SCNN1B: variants seen among roughly 807,000 people sequenced by gnomAD.
SCNN1B encodes epithelial sodium channel subunit beta.
A neutral mutation model predicts 65.3 loss-of-function variants in SCNN1B; 46 were observed. The observed-to-expected ratio is 0.70, with a 90% CI of 0.56 to 0.90. The LOEUF (loss-of-function observed/expected upper bound fraction) is 0.90. Among genes scored for constraint, SCNN1B ranks in the 40% least tolerant of loss-of-function variants. SCNN1B has a pLI of 0.00. For missense variants in SCNN1B, 751 were observed against 830.5 expected (o/e 0.90, Z 1.18); for synonymous variants, 349 against 330.6 (o/e 1.06, Z -0.60).
chr16:23,291,098 G>A (rs1320218773), intron 2 of SCNN1B, among the ~76,000 whole-genome samples: 1 of 137,960 alleles, frequency 7.2e-6, no homozygotes, highest in Non-Finnish European at 1.5e-5. Flanking sequence ...ATCTTGCTGT[G>A]TCGCCCAGGC....
At chr16:23,284,076 G>A (rs1960819029) in intron 2 of SCNN1B, among the ~76,000 whole-genome samples, 1 of 152,174 alleles carries the variant, frequency 6.6e-6, no homozygotes. Flanking sequence ...TTGACCAGTT[G>A]GCAGTAGAGC....
At chr16:23,359,611 T>C (rs925729528) in intron 4 of SCNN1B, among the ~76,000 whole-genome samples, 4 of 152,040 alleles carry the variant, frequency 2.6e-5, no homozygotes, top group Non-Finnish European at 5.9e-5. Flanking sequence ...TTCCTCCCTC[T>C]CTCTCTGACT....
intron 1 of SCNN1B, among the ~76,000 whole-genome samples, chr16:23,340,091 C>T (rs1340684732): frequency 6.6e-6 from 1 of 152,066 alleles, no homozygotes; most frequent in Non-Finnish European, 1.5e-5. Context: ...ATGGGCCATT[C>T]ATATTTCCTC....
Position 23,380,267 on chromosome 16 carries a change from G to A in SCNN1B, c.1542+98G>A, listed in dbSNP as rs1445154684. Reference sequence around the variant, plus strand: ...GTTCTGAGCCCTATGAAGGAATTAGGAAGATCCCTAAGACAGTCCCAAGTT... The same window carrying A: ...GTTCTGAGCCCTATGAAGGAATTAGAAAGATCCCTAAGACAGTCCCAAGTT... On this transcript the variant is annotated intron_variant, in intron 12 of 12. Transcript: ENST00000343070. This position sits in a 1 kb window ranked among gnomAD's most constrained non-coding sequence, Gnocchi z 5.4. 2.7e-6 allele frequency: 4 copies of A among 1,498,346 alleles called. No homozygotes were observed. In the African/African-American group the frequency reaches 5.5e-5, roughly 21 times the overall value. 92.8% of individuals were successfully genotyped at this position (1,498,346 alleles called of 1,614,324 possible).
chr16:23,301,610 GAGAAA>G (rs1961086308), upstream of SCNN1B, among the ~76,000 whole-genome samples: 1 of 152,090 alleles, frequency 6.6e-6, no homozygotes, highest in African/African-American at 2.4e-5. Context: ...TTGATGAGAA[GAGAAA>G]AGAAAAGGAA....
chr16:23,279,070 G>A (rs1021657821), intron 1 of SCNN1B, among the ~76,000 whole-genome samples: 2 of 140,358 alleles, frequency 1.4e-5, no homozygotes, highest in African/African-American at 6.2e-5. Context: ...TTTTGTGTGT[G>A]TGGGGTGTGT....
At chr16:23,344,372 A>G (rs140768556) in intron 1 of SCNN1B, among the ~76,000 whole-genome samples, 1 of 152,352 alleles carries the variant, frequency 6.6e-6, no homozygotes, top group East Asian at 1.9e-4. Flanking sequence ...TTACATGAGA[A>G]TAGAAAAGGG....
intron 1 of SCNN1B, among the ~76,000 whole-genome samples, chr16:23,339,828 A>T (rs2157862): frequency 0.094 from 14,227 of 152,088 alleles, 782 homozygotes; most frequent in East Asian, 0.24. Context: ...TGACCTCCCA[A>T]AGTATTGGGA....
intron 1 of SCNN1B, chr16:23,304,072 G>A (rs569121355): frequency 2.5e-5 from 38 of 1,535,948 alleles, no homozygotes; most frequent in African/African-American, 1.5e-4. Context: ...AATGCCTACC[G>A]ATGGGAATTT....
At chr16:23,349,791 A>T (rs1476392984) in intron 2 of SCNN1B, among the ~76,000 whole-genome samples, 1 of 152,168 alleles carries the variant, frequency 6.6e-6, no homozygotes, top group African/African-American at 2.4e-5. Flanking sequence ...CATCATCATT[A>T]TGATGATAAA....
Position 23,353,767 on chromosome 16 carries a change from T to C in SCNN1B, c.585+693T>C, listed in dbSNP as rs186683224. On this transcript the variant is annotated intron_variant, in intron 3 of 12. Coordinates refer to ENST00000343070, the MANE Select transcript of SCNN1B (RefSeq NM_000336.3). ...TTGGGCAGGTGAAAAGCCACAGCTG[T>C]GCAGTACAGTCACATGCCAAGAAAC... 5.3e-5 allele frequency among the ~76,000 whole-genome samples: 8 copies of C among 152,348 alleles called. 1 individual carries two copies. In the East Asian group the frequency reaches 5.8e-4, roughly 11 times the overall value.
intron 5 of SCNN1B, among the ~76,000 whole-genome samples, chr16:23,370,787 T>C (rs1198714671): frequency 6.6e-6 from 1 of 152,024 alleles, no homozygotes; most frequent in African/African-American, 2.4e-5. Context: ...AGCTAGGGAA[T>C]AGCACTCCAG....
In SCNN1B at chr16:23,348,530, G is replaced by A; in HGVS notation, c.-8-62G>A. 1 of 1,555,666 alleles carries A rather than the reference G, an allele frequency of 6.4e-7. No homozygotes were observed. Among genetic ancestry groups the A allele is most frequent in the Non-Finnish European group, 8.8e-7 (1 of 1,134,924 alleles). On this transcript the variant is annotated intron_variant, in intron 1 of 12. Transcript: ENST00000343070. The surrounding 1 kb of genome is among the most constrained non-coding windows in gnomAD (Gnocchi z 4.5). ...CGCCGCCCAGTTCCTGGACGTGACT[G>A]GGACATCCTCGCAGGCAAGGCTGGT...
At chr16:23,354,079 G>A (rs191343737) in intron 3 of SCNN1B, among the ~76,000 whole-genome samples, 33 of 152,310 alleles carry the variant, frequency 2.2e-4, no homozygotes, top group African/African-American at 7.5e-4. Flanking sequence ...CACTCATGGC[G>A]TTATGACTTC....
rs2142041555 is a variant in SCNN1B at position 23,373,892 on chromosome 16, C to T, written c.1153-1846C>T. Among the ~76,000 whole-genome samples the T allele has an allele frequency of 1.3e-5, 2 of 152,258 alleles. 1 individual carries two copies. The highest frequency in any genetic ancestry group is 4.1e-4 in the South Asian group (2 of 4,826). On this transcript the variant is annotated intron_variant, in intron 7 of 12. Coordinates refer to ENST00000343070, the MANE Select transcript of SCNN1B (RefSeq NM_000336.3). ...GAAACACGGAGAAGAAGGTACCAGC[C>T]CCAGAAACCTCATTCCAGGAAAACT...
intron 1 of SCNN1B, among the ~76,000 whole-genome samples, chr16:23,280,831 G>A (rs939475056): frequency 2.6e-5 from 4 of 152,150 alleles, no homozygotes; most frequent in African/African-American, 9.7e-5. Flanking sequence ...ATGAATAAAC[G>A]GATGAATGAC....
chr16:23,279,469 T>C (rs988574820), intron 1 of SCNN1B, among the ~76,000 whole-genome samples: 1 of 152,132 alleles, frequency 6.6e-6, no homozygotes, highest in African/African-American at 2.4e-5. Context: ...GCTTCTGGTG[T>C]TCAGTGCTGG....
intron 8 of SCNN1B, 49 bp from the exon 9 acceptor site, chr16:23,377,116 C>A: frequency 6.4e-7 from 1 of 1,554,538 alleles, no homozygotes; most frequent in Non-Finnish European, 8.8e-7. Context: ...ACAGGGGCAC[C>A]TAAAAAGCCC....
chr16:23,285,888 C>T (rs8044385), intron 2 of SCNN1B, among the ~76,000 whole-genome samples: 15,531 of 152,104 alleles, frequency 0.1, 941 homozygotes, highest in East Asian at 0.28. Context: ...GAATGAGAAT[C>T]GCTTGAACCC....
Sources: gnomAD v4.1 joint callset for allele counts (sites outside exome capture counted in the v4.1 genomes callset) on GRCh38, gnomAD v4.1.1 for gene constraint, Gnocchi (gnomAD v3.1) non-coding constraint, MANE v1.5 for transcripts, NCBI Gene and HGNC (gene_info 2026-07-23, HGNC 2026-07-21) for gene names.